NTNG2: variants seen among roughly 807,000 people sequenced by gnomAD.
NTNG2 encodes netrin G2.
In NTNG2, 15 loss-of-function variants were observed where a neutral mutation model predicts 47.6. The observed-to-expected ratio is 0.32, with a 90% CI of 0.21 to 0.49. The LOEUF (loss-of-function observed/expected upper bound fraction) is 0.49. NTNG2 is among the 20% of genes least tolerant of loss of function. NTNG2 has a pLI of 0.99. For missense variants in NTNG2, 578 were observed against 764.6 expected, an observed-to-expected ratio of 0.76 and a Z score of 2.88; for synonymous variants, 307 against 324.6, an observed-to-expected ratio of 0.95 and a Z score of 0.58.
Position 132,198,544 on chromosome 9 carries a change from C to G in NTNG2, c.792C>G (p.Thr264=), listed in dbSNP as rs944801142. 7 of 1,612,986 alleles carry G rather than the reference C, an allele frequency of 4.3e-6. 1 individual carries two copies. The highest frequency in any genetic ancestry group is 5.1e-6 in the Non-Finnish European group (6 of 1,179,992). ...TGCTGCGCCCGGCGCTGGGCGGCAC[C>G]TATGTGCAGCGGGAGAACCTCTACA... is the stretch of plus-strand genomic sequence containing the variant. ...MRLLRPALGG[T]YVQRENLYKY... is the part of the protein sequence containing the mutation. Residue 264 remains threonine (T), a synonymous_variant, in exon 3 of 8, where the codon ACC becomes ACG. Transcript: ENST00000393229.
intron 3 of NTNG2, among the ~76,000 whole-genome samples, chr9:132,214,641 G>A (rs766825272): frequency 5.3e-5 from 8 of 152,174 alleles, no homozygotes; most frequent in Non-Finnish European, 1.2e-4. Flanking sequence ...AAGTGAGTGC[G>A]CCCCATGTCA....
intron 3 of NTNG2, 66 bp downstream of exon 3, chr9:132,198,675 A>G: frequency 6.6e-7 from 1 of 1,508,990 alleles, no homozygotes. Flanking sequence ...CTGGGACGTT[A>G]TTGGATACCT....
intron 5 of NTNG2, among the ~76,000 whole-genome samples, chr9:132,235,969 C>T (rs555788930): frequency 6.6e-6 from 1 of 152,324 alleles, no homozygotes; most frequent in South Asian, 2.1e-4. Context: ...TCACCTGCTT[C>T]AAGAGGTTCC....
rs1434694880 is a variant in NTNG2, at chr9:132,218,487, T to TG, written c.858-8361dup. ...ACAATGTGATAGCGTTTTGTTTTTT[T>TG]GTTTTTTTTGTTTTTCTGGTTTTTT... On this transcript the variant is annotated intron_variant, in intron 3 of 7. Transcript: ENST00000393229. This position sits in a 1 kb window ranked among gnomAD's most constrained non-coding sequence, Gnocchi z 5.4. Among the ~76,000 whole-genome samples, 19 of 106,370 alleles carry TG rather than the reference T, an allele frequency of 1.8e-4. No individual in the cohort carries two copies. Among genetic ancestry groups the TG allele is most frequent in the Admixed American group, 2.7e-4 (3 of 11,056 alleles). 69.8% of individuals were successfully genotyped at this position (106,370 alleles called of 152,430 possible). A position where few individuals can be genotyped will look rare whatever the true frequency, so the allele number is the denominator to read the frequency against.
intron 2 of NTNG2, among the ~76,000 whole-genome samples, chr9:132,188,165 C>T (rs1313169315): frequency 6.6e-6 from 1 of 152,228 alleles, no homozygotes; most frequent in African/African-American, 2.4e-5. Context: ...TTCCCCCGTG[C>T]TCGAGTCCTG....
rs1034297600 is a variant in NTNG2 at position 132,162,937 on chromosome 9, G to A, written c.-484+698G>A. ...AGCAGAGGCGGCGGGAAGGCGGGAA[G>A]AGAGGACCGCGGGCTCGCGGGGTCC... On this transcript the variant is annotated intron_variant, in intron 1 of 7. Transcript: ENST00000393229. The surrounding 1 kb of genome is among the most constrained non-coding windows in gnomAD (Gnocchi z 4.6). 1.3e-5 allele frequency among the ~76,000 whole-genome samples: 2 copies of A among 152,178 alleles called. No homozygotes were observed. Among genetic ancestry groups the A allele is most frequent in the Non-Finnish European group, 2.9e-5 (2 of 68,038 alleles).
intron 2 of NTNG2, among the ~76,000 whole-genome samples, chr9:132,189,786 C>T (rs1837722307): frequency 1.3e-5 from 2 of 151,890 alleles, no homozygotes; most frequent in African/African-American, 2.4e-5. Context: ...ACTACAGGCA[C>T]GAAACGCTAT....
At position 132,182,846 on chromosome 9, in the gene NTNG2, G is replaced by C. The variant is rs111490570; in HGVS notation, c.214-15120G>C. The stretch of plus-strand genomic sequence containing the variant: ...AGCCACTCGGCTGGCTCTCAGCCGG[G>C]GTGCACACTGGACTTGCCTGGGAGC... On this transcript the variant is annotated intron_variant, in intron 2 of 7. Transcript: ENST00000393229. This position sits in a 1 kb window ranked among gnomAD's most constrained non-coding sequence, Gnocchi z 4.2. Among the ~76,000 whole-genome samples the C allele has an allele frequency of 1.2e-4, 18 of 152,154 alleles. No individual in the cohort carries two copies. The highest frequency in any genetic ancestry group is 1.8e-4 in the Non-Finnish European group (12 of 68,036).
rs1841193849 is a variant in NTNG2 at position 132,231,238 on chromosome 9, G to C, written c.1054+643G>C. The C allele has an allele frequency of 2.2e-6, 1 of 450,778 alleles. No individual in the cohort carries two copies. The highest frequency in any genetic ancestry group is 2.0e-5 in the African/African-American group (1 of 49,812). 27.9% of individuals were successfully genotyped at this position (450,778 alleles called of 1,614,324 possible). ...TGGCGCCCACAGGTTATCAGTAAAT[G>C]TCATCGAGACTGTCCCCAGACACTC... On this transcript the variant is annotated intron_variant, in intron 5 of 7. Transcript: ENST00000393229. This position sits in a 1 kb window ranked among gnomAD's most constrained non-coding sequence, Gnocchi z 4.1.
intron 5 of NTNG2, among the ~76,000 whole-genome samples, chr9:132,237,842 G>A (rs1841736345): frequency 6.6e-6 from 1 of 152,224 alleles, no homozygotes; most frequent in Non-Finnish European, 1.5e-5. Context: ...CAGAATCTGG[G>A]ACACACGGGT....
At chr9:132,191,000 T>C (rs566522270) in intron 2 of NTNG2, among the ~76,000 whole-genome samples, 42 of 152,254 alleles carry the variant, frequency 2.8e-4, no homozygotes, top group African/African-American at 9.9e-4. Flanking sequence ...TTCCTCAAGG[T>C]TGGGTCCCGT....
rs1415350456 is a variant in NTNG2, at chr9:132,163,340, C to T, written c.-484+1101C>T. ...GGGAGCTGCTGCTCGCGCCCCGCCT[C>T]CCGCGCCCAACTTTCCAGGGCTCCC... On this transcript the variant is annotated intron_variant, in intron 1 of 7. Coordinates refer to ENST00000393229, the MANE Select transcript of NTNG2 (RefSeq NM_032536.4). The surrounding 1 kb of genome is among the most constrained non-coding windows in gnomAD (Gnocchi z 7.2). Among the ~76,000 whole-genome samples the T allele has an allele frequency of 6.6e-6, 1 of 151,588 alleles. No homozygotes were observed. Among genetic ancestry groups the T allele is most frequent in the Non-Finnish European group, 1.5e-5 (1 of 67,792 alleles).
At chr9:132,165,891 T>C (rs1348555165) in intron 1 of NTNG2, 2 of 152,270 alleles carry the variant, frequency 1.3e-5, no homozygotes, top group African/African-American at 4.8e-5. Flanking sequence ...CGGGAGACTT[T>C]GCTAATGCAG....
chr9:132,222,764 C>G (rs933707099), intron 3 of NTNG2, among the ~76,000 whole-genome samples: 5 of 152,186 alleles, frequency 3.3e-5, no homozygotes, highest in African/African-American at 1.2e-4. Flanking sequence ...AAACTCACTG[C>G]CTTCTCCACT....
intron 3 of NTNG2, among the ~76,000 whole-genome samples, chr9:132,222,607 G>A (rs889980310): frequency 1.3e-5 from 2 of 152,178 alleles, no homozygotes; most frequent in Non-Finnish European, 2.9e-5. Context: ...GAATTCCAGA[G>A]ACGTCCTTCG....
rs1268555705 is a variant in NTNG2 at position 132,231,245 on chromosome 9, A to G, written c.1054+650A>G. ...CACAGGTTATCAGTAAATGTCATCG[A>G]GACTGTCCCCAGACACTCACAGGGT... On this transcript the variant is annotated intron_variant, in intron 5 of 7. Coordinates refer to ENST00000393229, the MANE Select transcript of NTNG2 (RefSeq NM_032536.4). This position sits in a 1 kb window ranked among gnomAD's most constrained non-coding sequence, Gnocchi z 4.1. The G allele has an allele frequency of 2.2e-6, 1 of 453,536 alleles. No individual in the cohort carries two copies. The highest frequency in any genetic ancestry group is 7.0e-5 in the East Asian group (1 of 14,260). The allele number at this position is 453,536 out of a possible 1,614,324, so 28.1% of individuals were successfully genotyped here.
chr9:132,193,957 T>C (rs551261783), intron 2 of NTNG2, among the ~76,000 whole-genome samples: 1 of 152,244 alleles, frequency 6.6e-6, no homozygotes, highest in East Asian at 1.9e-4. Flanking sequence ...CAGCGTCTCA[T>C]CCGGCAGCCA....
At chr9:132,216,310 GAAGTGACTTGCTC>G (rs1342307726) in intron 3 of NTNG2, among the ~76,000 whole-genome samples, 1 of 151,790 alleles carries the variant, frequency 6.6e-6, no homozygotes, top group Non-Finnish European at 1.5e-5. Context: ...TAAACCCAGA[GAAGTGACTTGCTC>G]AAGGTCACCT....
At chr9:132,234,201 G>A (rs1217056281) in intron 5 of NTNG2, among the ~76,000 whole-genome samples, 1 of 152,086 alleles carries the variant, frequency 6.6e-6, no homozygotes, top group Non-Finnish European at 1.5e-5. Flanking sequence ...GCTACTTTTT[G>A]TCTTTTTAGA....
Sources: allele counts gnomAD v4.1 joint callset (sites outside exome capture counted in the v4.1 genomes callset), GRCh38; gene constraint gnomAD v4.1.1; non-coding constraint Gnocchi (gnomAD v3.1); transcripts MANE v1.5; gene names NCBI Gene and HGNC (gene_info 2026-07-23, HGNC 2026-07-21).